Variants in NCAM2 observed in about 807,000 individuals in gnomAD.
The protein encoded by NCAM2 is N-CAM-2.
NCAM2 carries 30 observed loss-of-function variants against 98.1 expected under a neutral mutation model. That is an observed-to-expected ratio of 0.31 (90% CI 0.23 to 0.41). The LOEUF is 0.41. Among genes scored for constraint, NCAM2 ranks in the 10% least tolerant of loss-of-function variants. The probability of loss-of-function intolerance (pLI) is 1.00; values close to 1 mark genes in which losing one functional copy is unlikely to be tolerated. For missense variants in NCAM2, 867 were observed against 1,005.8 expected, an observed-to-expected ratio of 0.86 and a Z score of 1.87; for synonymous variants, 368 against 342.4, an observed-to-expected ratio of 1.07 and a Z score of -0.83.
chr21:21,193,511 T>C (rs2068895978), intron 1 of NCAM2, among the ~76,000 whole-genome samples: 1 of 148,914 alleles, frequency 6.7e-6, no homozygotes, highest in Non-Finnish European at 1.5e-5. Context: ...TTTTTTTTTT[T>C]TTTGAGACGG....
At chr21:21,156,766 C>G (rs1039296577) in intron 1 of NCAM2, among the ~76,000 whole-genome samples, 1 of 151,968 alleles carries the variant, frequency 6.6e-6, no homozygotes, top group African/African-American at 2.4e-5. Context: ...TAATTATGTA[C>G]AGAGCTATGG....
At chr21:21,088,081 A>G (rs2065938937) in intron 1 of NCAM2, among the ~76,000 whole-genome samples, 1 of 152,222 alleles carries the variant, frequency 6.6e-6, no homozygotes, top group South Asian at 2.1e-4. Context: ...GCATATGGCT[A>G]GTATATGATG....
intron 15 of NCAM2, among the ~76,000 whole-genome samples, chr21:21,493,946 C>G (rs998796270): frequency 6.6e-6 from 1 of 151,838 alleles, no homozygotes; most frequent in African/African-American, 2.4e-5. Flanking sequence ...CGTTTATAAA[C>G]CCTACATGCT....
At position 21,478,696 on chromosome 21, in the gene NCAM2, G is replaced by T. The variant is rs374336094; in HGVS notation, c.2077+1225G>T. Among the ~76,000 whole-genome samples the T allele has an allele frequency of 2.0e-5, 3 of 152,110 alleles. No individual in the cohort carries two copies. In the East Asian group the frequency reaches 5.8e-4, roughly 29 times the overall value. ...TAAAAAGTCCCTGGAAATAACACTG[G>T]TATGTTACATTTTAAGGACTTTTTT... On this transcript the variant is annotated intron_variant, in intron 15 of 17. Transcript: ENST00000400546.
intron 1 of NCAM2, among the ~76,000 whole-genome samples, chr21:21,076,426 T>C (rs921471679): frequency 3.9e-5 from 6 of 152,224 alleles, no homozygotes; most frequent in Admixed American, 6.5e-5. Flanking sequence ...CATTTAATTT[T>C]TTTAACTATG....
chr21:21,138,382 C>T (rs1055038585), intron 1 of NCAM2, among the ~76,000 whole-genome samples: 1 of 152,108 alleles, frequency 6.6e-6, no homozygotes, highest in Admixed American at 6.6e-5. Context: ...ATGTGTTTGA[C>T]CTGTCGTTTC....
intron 1 of NCAM2, among the ~76,000 whole-genome samples, chr21:21,189,936 A>T: frequency 6.6e-6 from 1 of 152,264 alleles, no homozygotes; most frequent in South Asian, 2.1e-4. Flanking sequence ...CTGCCTAGTT[A>T]CTCAGAAACT....
chr21:21,481,289 CT>C (rs1985861626), intron 15 of NCAM2, among the ~76,000 whole-genome samples: 1 of 152,182 alleles, frequency 6.6e-6, no homozygotes, highest in Admixed American at 6.5e-5. Flanking sequence ...AACCAGATCA[CT>C]CCACCCCTCA....
intron 12 of NCAM2, among the ~76,000 whole-genome samples, chr21:21,453,909 T>C (rs906161927): frequency 1.3e-5 from 2 of 152,112 alleles, no homozygotes; most frequent in Non-Finnish European, 2.9e-5. Context: ...TTCTTCGGTA[T>C]GGTGTTTTTA....
intron 1 of NCAM2, among the ~76,000 whole-genome samples, chr21:21,060,209 A>AT (rs1442659025): frequency 1.3e-5 from 2 of 152,122 alleles, no homozygotes; most frequent in South Asian, 4.1e-4. Context: ...AAAAGGTAGT[A>AT]TTTTGATGTG....
chr21:21,474,433 AT>A (rs1197835892), intron 14 of NCAM2, among the ~76,000 whole-genome samples: 3 of 152,014 alleles, frequency 2.0e-5, no homozygotes, highest in Non-Finnish European at 4.4e-5. Flanking sequence ...TAAATGTCTA[AT>A]TTCCAAAAAT....
intron 9 of NCAM2, among the ~76,000 whole-genome samples, chr21:21,402,252 T>A (rs923354671): frequency 2.0e-5 from 3 of 152,072 alleles, no homozygotes; most frequent in Admixed American, 2.0e-4. Context: ...ATGGCTAAAT[T>A]CTTTTCCTAG....
chr21:21,181,111 C>T (rs767432142), intron 1 of NCAM2, among the ~76,000 whole-genome samples: 3 of 151,972 alleles, frequency 2.0e-5, no homozygotes, highest in Non-Finnish European at 2.9e-5. Context: ...GGGCTTGCTT[C>T]GATTACATTT....
intron 8 of NCAM2, among the ~76,000 whole-genome samples, chr21:21,352,232 AT>A (rs896198540): frequency 1.8e-4 from 27 of 151,880 alleles, no homozygotes; most frequent in African/African-American, 5.8e-4. Context: ...GACTAGCTAA[AT>A]TTTTGTAGGT....
chr21:21,434,975 TGTGTGACTGGA>T (rs1169725711), intron 12 of NCAM2, among the ~76,000 whole-genome samples: 5 of 152,126 alleles, frequency 3.3e-5, no homozygotes, highest in Admixed American at 6.5e-5. Context: ...CCCTTGGGGA[TGTGTGACTGGA>T]GTGCAAGCAC....
intron 12 of NCAM2, among the ~76,000 whole-genome samples, chr21:21,446,437 T>TCCATTCTCCCTATCTTCTTC: frequency 6.6e-6 from 1 of 152,192 alleles, no homozygotes; most frequent in African/African-American, 2.4e-5. Context: ...CCTGCTTGTT[T>TCCATTCTCCCTATCTTCTTC]CCATTCTCCC....
intron 16 of NCAM2, among the ~76,000 whole-genome samples, chr21:21,524,797 G>A (rs1272546925): frequency 1.3e-5 from 2 of 151,994 alleles, no homozygotes; most frequent in Non-Finnish European, 2.9e-5. Flanking sequence ...TTTATAAATA[G>A]GAATCATACT....
chr21:21,408,962 G>GCC, intron 9 of NCAM2, among the ~76,000 whole-genome samples: 1 of 118,604 alleles, frequency 8.4e-6, no homozygotes, highest in Non-Finnish European at 2.1e-5. Context: ...TAACAAAACT[G>GCC]GATATTGCTT....
At chr21:21,189,833 A>G (rs1168130724) in intron 1 of NCAM2, among the ~76,000 whole-genome samples, 1 of 152,196 alleles carries the variant, frequency 6.6e-6, no homozygotes, top group Non-Finnish European at 1.5e-5. Context: ...ATGTGAGTTT[A>G]TGCTCTAGTC....
Sources: gnomAD v4.1 joint callset for allele counts (sites outside exome capture counted in the v4.1 genomes callset) on GRCh38, gnomAD v4.1.1 for gene constraint, MANE v1.5 for transcripts, NCBI Gene and HGNC (gene_info 2026-07-23, HGNC 2026-07-21) for gene names.